The following EZH2 variants were observed in gnomAD, a reference collection of about 807,000 sequenced individuals.
The protein encoded by EZH2 is histone-lysine N-methyltransferase EZH2.
EZH2 carries 18 observed loss-of-function variants against 98.4 expected under a neutral mutation model. The ratio of observed to expected loss-of-function variants is 0.18; its 90% CI spans 0.13 to 0.27. The LOEUF is 0.27. Among genes scored for constraint, EZH2 ranks in the 10% least tolerant of loss-of-function variants. The pLI, the probability that EZH2 is intolerant of heterozygous loss-of-function variation, is 1.00. For missense variants in EZH2, 470 were observed against 935.1 expected, an observed-to-expected ratio of 0.50 and a Z score of 6.49; for synonymous variants, 338 against 312.3, an observed-to-expected ratio of 1.08 and a Z score of -0.87.
chr7:148,838,529 A>T (rs1246832465), intron 3 of EZH2, among the ~76,000 whole-genome samples: 8 of 152,222 alleles, frequency 5.3e-5, no homozygotes, highest in Non-Finnish European at 1.0e-4. Flanking sequence ...TGAAGCAGGT[A>T]ACAAGAGTGA....
intron 13 of EZH2, among the ~76,000 whole-genome samples, 181 bp from the exon 14 acceptor site, chr7:148,815,220 C>T (rs565712366): frequency 6.6e-6 from 1 of 152,294 alleles, no homozygotes; most frequent in Admixed American, 6.5e-5. Context: ...CTCTCCCACC[C>T]CCAAGTGCTT....
At chr7:148,846,344 A>C in intron 3 of EZH2, 126 bp downstream of exon 3, 1 of 997,484 alleles carries the variant, frequency 1.0e-6, no homozygotes, top group Non-Finnish European at 1.4e-6. Context: ...TGCACATTAA[A>C]AAGAAATAGC....
At chr7:148,844,368 C>T (rs1045642952) in intron 3 of EZH2, among the ~76,000 whole-genome samples, 20 of 152,046 alleles carry the variant, frequency 1.3e-4, no homozygotes, top group Admixed American at 1.2e-3. Flanking sequence ...TTATCACAAA[C>T]GATATAAACT....
intron 1 of EZH2, among the ~76,000 whole-genome samples, chr7:148,863,750 C>T (rs1818042566): frequency 6.6e-6 from 1 of 152,190 alleles, no homozygotes; most frequent in Non-Finnish European, 1.5e-5. Flanking sequence ...AACTGACCTG[C>T]AAAGTGCTAG....
chr7:148,826,581 A>G lies in EZH2; in HGVS notation c.780T>C (p.Cys260=). The change falls in exon 8 of 20, where the codon TGT becomes TGC. Residue 260 remains cysteine, a synonymous_variant. Transcript: ENST00000320356. ...CATTTGGTCCATCTATGTTGGGGGT[A>G]CATTCAGGAGGAAGTGCGCCTGGGA... ...QQLPGALPPE[C]TPNIDGPNAK... 1 of 1,577,170 alleles carries G rather than the reference A, an allele frequency of 6.3e-7. No individual in the cohort carries two copies. The highest frequency in any genetic ancestry group is 8.6e-7 in the Non-Finnish European group (1 of 1,158,380).
At chr7:148,846,850 G>C (rs1316040095) in intron 2 of EZH2, among the ~76,000 whole-genome samples, 16 of 118,058 alleles carry the variant, frequency 1.4e-4, no homozygotes, top group African/African-American at 6.0e-4. Flanking sequence ...GTGTGTGTGT[G>C]TGTGTGTGTG....
At chr7:148,841,584 G>A (rs1173689762) in intron 3 of EZH2, among the ~76,000 whole-genome samples, 2 of 152,148 alleles carry the variant, frequency 1.3e-5, no homozygotes, top group Admixed American at 1.3e-4. Context: ...AAAGGTTCAT[G>A]AGAATCTAAA....
At chr7:148,827,393 TTTAC>T in intron 6 of EZH2, 127 bp from the exon 7 acceptor site, 2 of 663,960 alleles carry the variant, frequency 3.0e-6, no homozygotes, top group Non-Finnish European at 5.0e-6. Flanking sequence ...TATTTTGTGT[TTTAC>T]TTACTTCTCA....
intron 1 of EZH2, among the ~76,000 whole-genome samples, chr7:148,873,523 T>C (rs1270782388): frequency 1.4e-5 from 2 of 145,362 alleles, no homozygotes; most frequent in African/African-American, 5.0e-5. Flanking sequence ...AAGATCATTG[T>C]AAGATCAGTT....
chr7:148,880,176 G>T (rs1820764366), intron 1 of EZH2, among the ~76,000 whole-genome samples: 1 of 152,176 alleles, frequency 6.6e-6, no homozygotes, highest in African/African-American at 2.4e-5. Context: ...TGGAACAGTG[G>T]CAAGATATGG....
At position 148,808,972 on chromosome 7, in the gene EZH2, A is replaced by G. The variant is rs740949; in HGVS notation, c.2195+99T>C. 644,239 of 917,260 alleles carry G rather than the reference A, an allele frequency of 0.7. 227,233 individuals carry two copies. The highest frequency in any genetic ancestry group is 0.79 in the African/African-American group (47,480 of 60,320). The allele number at this position is 917,260 out of a possible 1,614,324, so 56.8% of individuals were successfully genotyped here. On this transcript the variant is annotated intron_variant, in intron 19 of 19. Coordinates refer to ENST00000320356, the MANE Select transcript of EZH2 (RefSeq NM_004456.5). ...ACTAATGCTCATGGCAAAGTGACCCATCAAAAGAAGCAAAGAACTAAAAAC... is the reference window on the plus strand; with the variant it reads ...ACTAATGCTCATGGCAAAGTGACCCGTCAAAAGAAGCAAAGAACTAAAAAC...
intron 15 of EZH2, 36 bp downstream of exon 15, chr7:148,813,923 C>G: frequency 6.3e-7 from 1 of 1,592,340 alleles, no homozygotes; most frequent in Non-Finnish European, 8.6e-7. Flanking sequence ...AAATAGCTAA[C>G]TACAAACAAT....
rs147974991 is a variant in EZH2, at chr7:148,812,782, TA to T, written c.1852-1063del. Among the ~76,000 whole-genome samples, 15 of 152,184 alleles carry T rather than the reference TA, an allele frequency of 9.9e-5. No homozygotes were observed. The East Asian group carries it at 2.7e-3, about 27-fold the overall frequency. Reference sequence around the variant, plus strand: ...CCAGAGTCACTGTGATCCAATGACCTAAATGGACATATAACTGCCTAGAGTA... The same window carrying T: ...CCAGAGTCACTGTGATCCAATGACCTAATGGACATATAACTGCCTAGAGTA... On this transcript the variant is annotated intron_variant, in intron 15 of 19. Transcript: ENST00000320356.
chr7:148,815,677 A>G, intron 12 of EZH2, 131 bp from the exon 13 acceptor site: 2 of 787,372 alleles, frequency 2.5e-6, no homozygotes, highest in Non-Finnish European at 4.3e-6. Flanking sequence ...TGCCCTGCCC[A>G]GTTTATATTT....
In EZH2 at chr7:148,807,455, C is replaced by CA. The variant is rs1801767495; in HGVS notation, c.*190dup. The stretch of plus-strand genomic sequence containing the variant: ...GCATTATTGCAAAAATTCACTGGTA[C>CA]AAAACACTTTGCAGCTGGTGAGAAG... On this transcript the variant is annotated 3_prime_UTR_variant, in exon 20 of 20. Coordinates refer to ENST00000320356, the MANE Select transcript of EZH2 (RefSeq NM_004456.5). The CA allele has an allele frequency of 1.7e-6, 1 of 589,228 alleles. No homozygotes were observed. Among genetic ancestry groups the CA allele is most frequent in the Non-Finnish European group, 3.0e-6 (1 of 329,728 alleles). 36.5% of individuals were successfully genotyped at this position (589,228 alleles called of 1,614,324 possible). A position where few individuals can be genotyped will look rare whatever the true frequency, so the allele number is the denominator to read the frequency against.
At chr7:148,854,654 A>G (rs1816501128) in intron 1 of EZH2, among the ~76,000 whole-genome samples, 1 of 152,224 alleles carries the variant, frequency 6.6e-6, no homozygotes, top group Non-Finnish European at 1.5e-5. Flanking sequence ...AACAAGATGT[A>G]AGTAATATGA....
At chr7:148,868,144 C>A (rs1818820041) in intron 1 of EZH2, among the ~76,000 whole-genome samples, 1 of 152,220 alleles carries the variant, frequency 6.6e-6, no homozygotes, top group African/African-American at 2.4e-5. Context: ...GCCCATTACT[C>A]AGTCCAAAAG....
At chr7:148,866,604 TATATATA>T (rs1054333191) in intron 1 of EZH2, among the ~76,000 whole-genome samples, 9 of 127,580 alleles carry the variant, frequency 7.1e-5, no homozygotes, top group African/African-American at 2.3e-4. Flanking sequence ...CACTATATAT[TATATATA>T]ATATATATGC....
chr7:148,811,549 C>A, intron 16 of EZH2, 76 bp downstream of exon 16: 1 of 1,166,224 alleles, frequency 8.6e-7, no homozygotes, highest in Non-Finnish European at 1.2e-6. Flanking sequence ...CACAGACTTA[C>A]CTAATAAAAT....
Sources: gnomAD v4.1 joint callset for allele counts (sites outside exome capture counted in the v4.1 genomes callset) on GRCh38, gnomAD v4.1.1 for gene constraint, MANE v1.5 for transcripts, NCBI Gene and HGNC (gene_info 2026-07-23, HGNC 2026-07-21) for gene names.